The following CDH18 variants were observed in gnomAD, a reference collection of about 807,000 sequenced individuals.
The protein encoded by CDH18 is cadherin 18, also known as cadherin-18.
A neutral mutation model predicts 67.9 loss-of-function variants in CDH18; 31 were observed. The ratio of observed to expected loss-of-function variants is 0.46; its 90% CI spans 0.34 to 0.62. The LOEUF (loss-of-function observed/expected upper bound fraction) is 0.62, where lower values mean the gene tolerates loss of function less well. CDH18 is among the 20% of genes least tolerant of loss of function. The probability of loss-of-function intolerance (pLI) is 0.01; values close to 1 mark genes in which losing one functional copy is unlikely to be tolerated. For missense variants in CDH18, 890 were observed against 975.5 expected, an observed-to-expected ratio of 0.91 and a Z score of 1.17; for synonymous variants, 362 against 347.2, an observed-to-expected ratio of 1.04 and a Z score of -0.48.
intron 1 of CDH18, among the ~76,000 whole-genome samples, chr5:20,279,636 T>G (rs1317305524): frequency 1.5e-5 from 2 of 131,952 alleles, no homozygotes; most frequent in African/African-American, 5.9e-5. Context: ...GAGGTGGAGG[T>G]TGCAGTGAGC....
intron 2 of CDH18, among the ~76,000 whole-genome samples, chr5:19,842,477 G>A (rs1452193755): frequency 1.3e-5 from 2 of 152,140 alleles, no homozygotes; most frequent in Admixed American, 6.6e-5. Context: ...AAAAGAACAT[G>A]TTTGCTTCCC....
chr5:19,973,631 G>A (rs1307568350), intron 2 of CDH18, among the ~76,000 whole-genome samples: 1 of 152,116 alleles, frequency 6.6e-6, no homozygotes, highest in Non-Finnish European at 1.5e-5. Context: ...TAGGGAAAAG[G>A]GTTCTGTTTT....
intron 2 of CDH18, among the ~76,000 whole-genome samples, chr5:20,147,564 G>A (rs1750750104): frequency 1.3e-5 from 2 of 152,070 alleles, no homozygotes; most frequent in African/African-American, 4.8e-5. Context: ...CGTACACAAT[G>A]GCAACGATAC....
chr5:20,068,021 C>T (rs554126896), intron 2 of CDH18, among the ~76,000 whole-genome samples: 89 of 152,104 alleles, frequency 5.9e-4, no homozygotes, highest in African/African-American at 2.0e-3. Flanking sequence ...TTGTTTATCT[C>T]GTTTACCTTT....
intron 5 of CDH18, among the ~76,000 whole-genome samples, chr5:19,649,240 T>C (rs1755226972): frequency 6.6e-6 from 1 of 152,148 alleles, no homozygotes; most frequent in African/African-American, 2.4e-5. Flanking sequence ...TGAATGCCAA[T>C]AAACTCAATA....
chr5:19,561,634 G>T (rs1739467378), intron 8 of CDH18, among the ~76,000 whole-genome samples: 1 of 152,032 alleles, frequency 6.6e-6, no homozygotes, highest in Non-Finnish European at 1.5e-5. Context: ...AACATCACTT[G>T]TTCCCCAAAA....
At chr5:20,372,557 A>G (rs748873661) in intron 1 of CDH18, among the ~76,000 whole-genome samples, 1 of 152,196 alleles carries the variant, frequency 6.6e-6, no homozygotes, top group Non-Finnish European at 1.5e-5. Flanking sequence ...TTGGAAATCA[A>G]GTTTACTGGA....
At chr5:19,768,256 C>T (rs1341318682) in intron 3 of CDH18, among the ~76,000 whole-genome samples, 1 of 152,042 alleles carries the variant, frequency 6.6e-6, no homozygotes, top group East Asian at 1.9e-4. Context: ...TCTTGAATAG[C>T]AAAGCTGCCT....
chr5:20,050,090 T>C (rs996541829), intron 2 of CDH18, among the ~76,000 whole-genome samples: 8 of 151,762 alleles, frequency 5.3e-5, no homozygotes, highest in African/African-American at 1.2e-4. Context: ...AAAAAAGTGG[T>C]ATGTGATCTA....
At chr5:19,608,002 G>A (rs1748338229) in intron 6 of CDH18, among the ~76,000 whole-genome samples, 1 of 151,036 alleles carries the variant, frequency 6.6e-6, no homozygotes, top group East Asian at 1.9e-4. Flanking sequence ...GTTTAAAACT[G>A]CATCTAAGAA....
intron 5 of CDH18, among the ~76,000 whole-genome samples, chr5:19,655,994 T>TC: frequency 6.7e-6 from 1 of 149,424 alleles, no homozygotes; most frequent in African/African-American, 2.5e-5. Flanking sequence ...TTCTTTTTTT[T>TC]TTTTTTTTTT....
intron 2 of CDH18, among the ~76,000 whole-genome samples, chr5:20,094,070 T>G (rs1296779763): frequency 6.6e-6 from 1 of 151,984 alleles, no homozygotes; most frequent in African/African-American, 2.4e-5. Flanking sequence ...CTAGGAAATA[T>G]CCCATGCTCT....
intron 2 of CDH18, among the ~76,000 whole-genome samples, chr5:20,238,131 G>C (rs1742617184): frequency 6.6e-6 from 1 of 151,356 alleles, no homozygotes; most frequent in Non-Finnish European, 1.5e-5. Flanking sequence ...AACTCAAAGA[G>C]GGTCATAAAC....
chr5:20,536,792 C>T (rs1756751345), intron 1 of CDH18, among the ~76,000 whole-genome samples: 1 of 152,142 alleles, frequency 6.6e-6, no homozygotes, highest in Non-Finnish European at 1.5e-5. Context: ...CTTCATTCTG[C>T]ATGAAATGAG....
chr5:19,492,278 A>G (rs936835954), intron 11 of CDH18, among the ~76,000 whole-genome samples: 56 of 152,292 alleles, frequency 3.7e-4, no homozygotes, highest in African/African-American at 1.3e-3. Flanking sequence ...TCCCTCAAGA[A>G]ACAGCAGGAA....
intron 2 of CDH18, among the ~76,000 whole-genome samples, chr5:19,877,744 G>A (rs1451961889): frequency 6.6e-6 from 1 of 152,094 alleles, no homozygotes; most frequent in African/African-American, 2.4e-5. Flanking sequence ...TCATTCAAAG[G>A]CACCGATGTA....
intron 2 of CDH18, among the ~76,000 whole-genome samples, chr5:19,934,184 GAGAA>G (rs1447741624): frequency 2.0e-5 from 3 of 151,042 alleles, no homozygotes; most frequent in African/African-American, 7.3e-5. Context: ...AAGACAGAAA[GAGAA>G]AGAGAGAGAG....
intron 2 of CDH18, among the ~76,000 whole-genome samples, chr5:20,181,405 C>T (rs1157988744): frequency 6.6e-6 from 1 of 152,004 alleles, no homozygotes; most frequent in Non-Finnish European, 1.5e-5. Context: ...CACTAATAGG[C>T]CTTTTGGGAG....
chr5:20,400,258 T>A (rs1745646332), intron 1 of CDH18, among the ~76,000 whole-genome samples: 1 of 151,996 alleles, frequency 6.6e-6, no homozygotes, highest in Admixed American at 6.6e-5. Flanking sequence ...GACGGGTGGA[T>A]CATGAGGTCA....
Sources: allele counts gnomAD v4.1 joint callset (sites outside exome capture counted in the v4.1 genomes callset), GRCh38; gene constraint gnomAD v4.1.1; transcripts MANE v1.5; gene names NCBI Gene and HGNC (gene_info 2026-07-23, HGNC 2026-07-21).